The following CSMD2 variants were observed in gnomAD, a reference collection of about 807,000 sequenced individuals.
The protein encoded by CSMD2 is CUB and Sushi multiple domains 2.
Under a neutral mutation model 398.5 loss-of-function variants are expected in CSMD2, and 130 were observed. That is an observed-to-expected ratio of 0.33 (90% CI 0.28 to 0.38). CSMD2 has a LOEUF of 0.38. CSMD2 is among the 10% of genes least tolerant of loss of function. CSMD2 has a pLI of 1.00. For synonymous variants in CSMD2, 1,828 were observed against 1,908.5 expected, an observed-to-expected ratio of 0.96 and a Z score of 1.10; for missense variants, 3,829 against 4,764.9, an observed-to-expected ratio of 0.80 and a Z score of 5.78.
chr1:33,705,418 C>A lies in CSMD2; in HGVS notation c.3576+3671G>T, dbSNP rs498920. ...ACCATTATCTCCCCATTCCCTCAAT[C>A]CCCTGGTAACCATAATTTTACTCGT... On this transcript the variant is annotated intron_variant, in intron 22 of 70. Transcript: ENST00000373381. Among the ~76,000 whole-genome samples, 453 of 152,244 alleles carry A rather than the reference C, an allele frequency of 3.0e-3. 1 individual carries two copies. Among genetic ancestry groups the A allele is most frequent in the African/African-American group, 0.01 (433 of 41,552 alleles).
chr1:33,973,746 C>T (rs543887866), intron 3 of CSMD2, among the ~76,000 whole-genome samples: 1 of 152,320 alleles, frequency 6.6e-6, no homozygotes, highest in African/African-American at 2.4e-5. Flanking sequence ...GAAGAGCCCC[C>T]AGGGTGCCTG....
At chr1:33,942,240 G>A (rs1644699028) in intron 3 of CSMD2, among the ~76,000 whole-genome samples, 1 of 152,202 alleles carries the variant, frequency 6.6e-6, no homozygotes, top group Admixed American at 6.5e-5. Context: ...CACTGTCTGG[G>A]ATTCCACATT....
In CSMD2 at chr1:33,572,671, C is replaced by T; in HGVS notation, c.7597G>A (p.Glu2533Lys). 6.2e-7 allele frequency: 1 copy of T among 1,611,818 alleles called. No homozygotes were observed. Among genetic ancestry groups the T allele is most frequent in the Non-Finnish European group, 8.5e-7 (1 of 1,178,412 alleles). Residue 2533 changes from glutamate (E) to lysine (K), a missense_variant, in exon 50 of 71, where the codon GAG becomes AAG. Glu to Lys is a moderately conservative substitution (Grantham distance 56). This residue lies in a region of CSMD2 where 723 missense variants were observed against 758.6 expected (regional missense o/e 0.95). Coordinates refer to ENST00000373381, the MANE Select transcript of CSMD2 (RefSeq NM_001281956.2). ...AACACCATTCCATTCTTGGGGGCCTCAGGAAGCCCACAGGAAAGAGCTAGC... is the reference window on the plus strand; with the variant it reads ...AACACCATTCCATTCTTGGGGGCCTTAGGAAGCCCACAGGAAAGAGCTAGC... Reference protein sequence around the residue: ...LCQALSCGLPEAPKNGMVFGK... With the variant: ...LCQALSCGLPKAPKNGMVFGK...
intron 49 of CSMD2, among the ~76,000 whole-genome samples, chr1:33,573,708 G>A (rs1395702807): frequency 6.6e-6 from 1 of 152,148 alleles, no homozygotes; most frequent in Non-Finnish European, 1.5e-5. Flanking sequence ...ACTGTTCAGA[G>A]CTCCAAAAAG....
At chr1:33,801,425 G>A (rs535426872) in intron 10 of CSMD2, among the ~76,000 whole-genome samples, 2 of 152,242 alleles carry the variant, frequency 1.3e-5, no homozygotes, top group African/African-American at 4.8e-5. Flanking sequence ...TGAGCTGAAG[G>A]GACCTAACAA....
intron 29 of CSMD2, 23 bp downstream of exon 29, chr1:33,646,625 C>T (rs1643443454): frequency 6.2e-7 from 1 of 1,611,514 alleles, no homozygotes; most frequent in Non-Finnish European, 8.5e-7. Flanking sequence ...GTCCTCAGTA[C>T]TCTCTGGCAC....
At chr1:33,771,598 T>C (rs1651274654) in intron 13 of CSMD2, among the ~76,000 whole-genome samples, 2 of 151,990 alleles carry the variant, frequency 1.3e-5, no homozygotes. Context: ...TCCCAACTCA[T>C]CAACTCATAC....
intron 12 of CSMD2, among the ~76,000 whole-genome samples, chr1:33,786,814 T>C (rs1653594085): frequency 6.6e-6 from 1 of 152,156 alleles, no homozygotes; most frequent in Non-Finnish European, 1.5e-5. Context: ...AAAATCTCAG[T>C]ATAGCTGTCA....
intron 9 of CSMD2, among the ~76,000 whole-genome samples, chr1:33,816,093 T>C (rs1283022553): frequency 6.6e-6 from 1 of 152,158 alleles, no homozygotes; most frequent in Non-Finnish European, 1.5e-5. Flanking sequence ...AAAAGATCCA[T>C]AGTGTTTCAG....
chr1:34,090,173 A>T (rs1199266360), intron 1 of CSMD2, among the ~76,000 whole-genome samples: 1 of 152,156 alleles, frequency 6.6e-6, no homozygotes, highest in African/African-American at 2.4e-5. Flanking sequence ...CACTGTGCAC[A>T]CGCATCACCT....
chr1:33,822,864 G>T (rs1049469634), intron 7 of CSMD2, among the ~76,000 whole-genome samples: 2 of 152,166 alleles, frequency 1.3e-5, no homozygotes, highest in African/African-American at 4.8e-5. Context: ...AGACTTCCCA[G>T]CTAAGCACCC....
At chr1:34,057,616 T>C (rs1257352846) in intron 2 of CSMD2, among the ~76,000 whole-genome samples, 3 of 152,132 alleles carry the variant, frequency 2.0e-5, no homozygotes, top group Non-Finnish European at 2.9e-5. Context: ...CTCCAGCCCC[T>C]TGCCTCCGCC....
In CSMD2 at chr1:33,623,402, T is replaced by A. The variant is rs1317856440; in HGVS notation, c.5690A>T (p.Asp1897Val). 1 of 1,614,194 alleles carries A rather than the reference T, an allele frequency of 6.2e-7. No individual in the cohort carries two copies. Among genetic ancestry groups the A allele is most frequent in the Non-Finnish European group, 8.5e-7 (1 of 1,180,036 alleles). ...ACTCCCCAGCATGGTTACAGTGTTA[T>A]CTGCACCATCAAATACTTCCAGCGA... ...WDSLEVFDGA[D>V]NTVTMLGSFS... The change falls in exon 36 of 71, where the codon GAT becomes GTT. Residue 1897 changes from aspartate (D) to valine (V), a missense_variant. Physicochemically the swap from Asp to Val is radical, Grantham distance 152. Transcript: ENST00000373381.
intron 9 of CSMD2, among the ~76,000 whole-genome samples, chr1:33,814,675 C>A (rs1259351843): frequency 6.6e-6 from 1 of 152,150 alleles, no homozygotes; most frequent in Non-Finnish European, 1.5e-5. Context: ...GATCTGACAC[C>A]CTGCTCTTCC....
intron 10 of CSMD2, among the ~76,000 whole-genome samples, chr1:33,806,201 G>A (rs914164122): frequency 1.3e-5 from 2 of 152,180 alleles, no homozygotes; most frequent in African/African-American, 4.8e-5. Context: ...CTTCTCACCT[G>A]TCACTACCAC....
At chr1:34,147,532 G>C (rs1453318899) in intron 1 of CSMD2, among the ~76,000 whole-genome samples, 1 of 152,088 alleles carries the variant, frequency 6.6e-6, no homozygotes, top group Non-Finnish European at 1.5e-5. Flanking sequence ...CTCCCCCGGA[G>C]TGAGGAGGGT....
intron 46 of CSMD2, among the ~76,000 whole-genome samples, chr1:33,585,058 G>A (rs915173267): frequency 2.6e-5 from 4 of 152,186 alleles, no homozygotes; most frequent in African/African-American, 9.7e-5. Flanking sequence ...ATTTGTTTGG[G>A]TTGCGGACGC....
intron 37 of CSMD2, among the ~76,000 whole-genome samples, 184 bp downstream of exon 37, chr1:33,621,983 C>T (rs568996835): frequency 3.3e-5 from 5 of 152,278 alleles, no homozygotes; most frequent in African/African-American, 9.6e-5. Context: ...GACACTTGGA[C>T]GAGAACACAG....
intron 6 of CSMD2, among the ~76,000 whole-genome samples, chr1:33,845,686 C>G (rs909960063): frequency 6.6e-6 from 1 of 152,230 alleles, no homozygotes; most frequent in African/African-American, 2.4e-5. Flanking sequence ...AGCTACTGAA[C>G]CAAGTTGGTT....
Sources: allele counts gnomAD v4.1 joint callset (sites outside exome capture counted in the v4.1 genomes callset), GRCh38; gene constraint gnomAD v4.1.1; regional missense constraint gnomAD v4.1.1; transcripts MANE v1.5; gene names NCBI Gene and HGNC (gene_info 2026-07-23, HGNC 2026-07-21).